The following NF2 variants were observed in gnomAD, a reference collection of about 807,000 sequenced individuals.
NF2 encodes merlin.
NF2 carries 8 observed loss-of-function variants against 83.7 expected under a neutral mutation model. The observed-to-expected ratio is 0.10, with a 90% CI of 0.06 to 0.17. NF2 has a LOEUF of 0.17. Among genes scored for constraint, NF2 ranks in the 10% least tolerant of loss-of-function variants. The pLI is 1.00. For missense variants in NF2, 533 were observed against 744.4 expected, an observed-to-expected ratio of 0.72 and a Z score of 3.31; for synonymous variants, 266 against 269.6, an observed-to-expected ratio of 0.99 and a Z score of 0.13.
At chr22:29,624,901 TTCTCTC>T (rs141837477) in intron 1 of NF2, among the ~76,000 whole-genome samples, 4 of 143,178 alleles carry the variant, frequency 2.8e-5, no homozygotes, top group Non-Finnish European at 4.6e-5. Flanking sequence ...TCTCTCTTCT[TTCTCTC>T]TCTCTCTCTC....
intron 1 of NF2, among the ~76,000 whole-genome samples, chr22:29,611,600 T>C (rs1038285794): frequency 6.6e-6 from 1 of 152,206 alleles, no homozygotes; most frequent in African/African-American, 2.4e-5. Flanking sequence ...AAGTCTACTT[T>C]CACTACTGCT....
At chr22:29,634,985 A>G (rs2065610028) in intron 1 of NF2, among the ~76,000 whole-genome samples, 2 of 152,202 alleles carry the variant, frequency 1.3e-5, no homozygotes, top group African/African-American at 4.8e-5. Flanking sequence ...TGGCCCCACT[A>G]TAGTCAGAGA....
intron 4 of NF2, among the ~76,000 whole-genome samples, chr22:29,649,767 G>T (rs983926465): frequency 6.8e-6 from 1 of 146,992 alleles, no homozygotes; most frequent in Non-Finnish European, 1.5e-5. Context: ...AATAAAAAAG[G>T]AGCCACTGGT....
intron 15 of NF2, chr22:29,683,126 T>C: frequency 6.2e-7 from 1 of 1,614,140 alleles, no homozygotes; most frequent in Non-Finnish European, 8.5e-7. Context: ...TACTAACCCG[T>C]GCATGAGCTT....
At chr22:29,670,921 G>A (rs555738005) in intron 10 of NF2, among the ~76,000 whole-genome samples, 10 of 152,262 alleles carry the variant, frequency 6.6e-5, no homozygotes, top group Admixed American at 2.0e-4. Flanking sequence ...CTGTGCTGTG[G>A]CTGTTGCAGC....
intron 1 of NF2, among the ~76,000 whole-genome samples, chr22:29,613,821 G>A (rs1275366371): frequency 6.6e-6 from 1 of 150,740 alleles, no homozygotes; most frequent in African/African-American, 2.4e-5. Flanking sequence ...GTGCAGTGGT[G>A]CAATCTTGGC....
In NF2 at chr22:29,696,659, A is replaced by G. The variant is rs1037020210; in HGVS notation, c.*1857A>G. On this transcript the variant is annotated 3_prime_UTR_variant, in exon 16 of 16. Coordinates refer to ENST00000338641, the MANE Select transcript of NF2 (RefSeq NM_000268.4). Reference sequence around the variant, plus strand: ...AACCAGCCCTGGGTGCCACCCAGCCACTTAGGGTCTACAGGGTGGGACTCC... The same window carrying G: ...AACCAGCCCTGGGTGCCACCCAGCCGCTTAGGGTCTACAGGGTGGGACTCC... 2 of 218,398 alleles carry G rather than the reference A, an allele frequency of 9.2e-6. No individual in the cohort carries two copies. The highest frequency in any genetic ancestry group is 2.3e-5 in the African/African-American group (1 of 44,442). The allele number at this position is 218,398 out of a possible 1,614,324, so 13.5% of individuals were successfully genotyped here.
Position 29,636,789 on chromosome 22 carries a change from C to T in NF2, c.153C>T (p.Cys51=), listed in dbSNP as rs1248930520. The change falls in exon 2 of 16, where the codon TGC becomes TGT. Residue 51 remains cysteine, a synonymous_variant. Transcript: ENST00000338641. The surrounding 1 kb of genome is among the most constrained non-coding windows in gnomAD (Gnocchi z 4.4). The part of the protein sequence containing the change: ...WKGKDLFDLV[C]RTLGLRETWF... ...GGAAGGACCTCTTTGATTTGGTGTG[C>T]CGGACTCTGGGGCTCCGAGAAACCT... 6.2e-7 allele frequency: 1 copy of T among 1,614,118 alleles called. No homozygotes were observed. Among genetic ancestry groups the T allele is most frequent in the Non-Finnish European group, 8.5e-7 (1 of 1,180,020 alleles).
chr22:29,670,834 G>A (rs779893326), intron 10 of NF2, among the ~76,000 whole-genome samples: 9 of 152,114 alleles, frequency 5.9e-5, no homozygotes, highest in Non-Finnish European at 1.5e-5. Context: ...TTAAGGACAC[G>A]GGGCTGTGTT....
At chr22:29,688,223 C>T (rs1473909133) in intron 15 of NF2, among the ~76,000 whole-genome samples, 3 of 152,228 alleles carry the variant, frequency 2.0e-5, no homozygotes, top group Non-Finnish European at 4.4e-5. Flanking sequence ...TGCCTAGGTA[C>T]TTTACCACCA....
At chr22:29,670,407 GA>G (rs2066748549) in intron 10 of NF2, among the ~76,000 whole-genome samples, 1 of 151,936 alleles carries the variant, frequency 6.6e-6, no homozygotes, top group Non-Finnish European at 1.5e-5. Flanking sequence ...GGAAATTAGA[GA>G]ACAAATTGGC....
At chr22:29,693,383 G>A (rs2067457332) in intron 15 of NF2, among the ~76,000 whole-genome samples, 1 of 152,214 alleles carries the variant, frequency 6.6e-6, no homozygotes. Context: ...GAACTTCAAG[G>A]CCAAAAGATT....
At chr22:29,604,141 G>T (rs570073484) in intron 1 of NF2, 29 bp downstream of exon 1, 1 of 1,535,942 alleles carries the variant, frequency 6.5e-7, no homozygotes, top group Non-Finnish European at 8.9e-7. Flanking sequence ...CGACTGCTGC[G>T]GTGACAGTCG....
intron 1 of NF2, among the ~76,000 whole-genome samples, chr22:29,620,280 G>T (rs891727068): frequency 1.3e-5 from 2 of 151,796 alleles, no homozygotes; most frequent in Non-Finnish European, 2.9e-5. Context: ...CAATAATTAG[G>T]CGTGGTTGTG....
intron 1 of NF2, among the ~76,000 whole-genome samples, chr22:29,609,825 G>A (rs1425289177): frequency 6.6e-6 from 1 of 152,226 alleles, no homozygotes; most frequent in Middle Eastern, 3.4e-3. Flanking sequence ...GGGCATATTA[G>A]CTACACTATA....
intron 1 of NF2, among the ~76,000 whole-genome samples, chr22:29,604,408 G>A (rs757257879): frequency 3.3e-5 from 5 of 152,200 alleles, no homozygotes; most frequent in Admixed American, 1.3e-4. Flanking sequence ...AAGCTTGAAA[G>A]TTTATTCTTT....
At chr22:29,655,569 T>C (rs766420867) in intron 5 of NF2, 25 bp from the exon 6 acceptor site, 1 of 1,576,934 alleles carries the variant, frequency 6.3e-7, no homozygotes, top group Admixed American at 1.7e-5. Context: ...GTGTAGGTTT[T>C]TTATTTTGCT....
At chr22:29,617,593 T>C (rs921325377) in intron 1 of NF2, among the ~76,000 whole-genome samples, 1 of 152,172 alleles carries the variant, frequency 6.6e-6, no homozygotes, top group African/African-American at 2.4e-5. Flanking sequence ...CATGACCACA[T>C]TGAGAACCAC....
At chr22:29,673,675 G>A (rs1205914335) in intron 12 of NF2, among the ~76,000 whole-genome samples, 189 bp downstream of exon 12, 7 of 152,170 alleles carry the variant, frequency 4.6e-5, no homozygotes, top group Admixed American at 2.6e-4. Flanking sequence ...TACTGGTTGG[G>A]CACAGGAACT....
Sources: gnomAD v4.1 joint callset for allele counts (sites outside exome capture counted in the v4.1 genomes callset) on GRCh38, gnomAD v4.1.1 for gene constraint, Gnocchi (gnomAD v3.1) non-coding constraint, MANE v1.5 for transcripts, NCBI Gene and HGNC (gene_info 2026-07-23, HGNC 2026-07-21) for gene names.